GNA14: variants seen among roughly 807,000 people sequenced by gnomAD.
The protein encoded by GNA14 is G protein subunit alpha 14.
GNA14 carries 50 observed loss-of-function variants against 42.0 expected under a neutral mutation model. The observed-to-expected ratio is 1.19, with a 90% CI of 0.95 to 1.51. GNA14 has a LOEUF of 1.51. Among genes scored for constraint, GNA14 ranks in the 40% most tolerant of loss-of-function variants. The pLI, the probability that GNA14 is intolerant of heterozygous loss-of-function variation, is 0.00. For missense variants in GNA14, 473 were observed against 446.2 expected (o/e 1.06, Z -0.54); for synonymous variants, 173 against 163.1 (o/e 1.06, Z -0.46).
intron 2 of GNA14, among the ~76,000 whole-genome samples, chr9:77,526,076 ATTTTT>A (rs34362442): frequency 8.0e-6 from 1 of 125,140 alleles, no homozygotes; most frequent in Non-Finnish European, 1.7e-5. Context: ...TAATTTTTGT[ATTTTT>A]TTTTTTTTTT....
At position 77,524,081 on chromosome 9, in the gene GNA14, A is replaced by G. The variant is rs139246910; in HGVS notation, c.309+4988T>C. On this transcript the variant is annotated intron_variant, in intron 2 of 6. Transcript: ENST00000341700. ...ATGCCTTTGTAATATTTATTCAAGA[A>G]GTCATAAATTCAAATTGCTCCCATA... Among the ~76,000 whole-genome samples, 707 of 152,364 alleles carry G rather than the reference A, an allele frequency of 4.6e-3. 9 individuals are homozygous for G. The highest frequency in any genetic ancestry group is 4.0e-3 in the Non-Finnish European group (273 of 68,030).
intron 1 of GNA14, among the ~76,000 whole-genome samples, chr9:77,572,470 A>G (rs1402708179): frequency 6.6e-6 from 1 of 152,224 alleles, no homozygotes; most frequent in Non-Finnish European, 1.5e-5. Flanking sequence ...TATAGAATAC[A>G]TAAAAAGACA....
intron 6 of GNA14, among the ~76,000 whole-genome samples, chr9:77,424,773 T>C (rs370345902): frequency 1.3e-4 from 20 of 152,248 alleles, no homozygotes; most frequent in African/African-American, 4.3e-4. Context: ...CTAACACATA[T>C]GGACAGACAG....
intron 1 of GNA14, among the ~76,000 whole-genome samples, chr9:77,548,991 G>C (rs1340915214): frequency 6.6e-6 from 1 of 151,642 alleles, no homozygotes; most frequent in African/African-American, 2.4e-5. Context: ...CCAGGCTGGA[G>C]TGCAATGGCA....
chr9:77,435,453 C>T (rs1245381125), intron 2 of GNA14, among the ~76,000 whole-genome samples: 3 of 152,156 alleles, frequency 2.0e-5, no homozygotes, highest in African/African-American at 7.2e-5. Context: ...CATTCTCACA[C>T]AGTCTGCTTT....
intron 3 of GNA14, among the ~76,000 whole-genome samples, chr9:77,432,189 G>C (rs111744291): frequency 3.3e-5 from 5 of 151,752 alleles, no homozygotes; most frequent in African/African-American, 1.2e-4. Context: ...GCTAACAAAA[G>C]AGTTGTAGAT....
At chr9:77,501,779 C>T (rs1836977925) in intron 2 of GNA14, among the ~76,000 whole-genome samples, 2 of 141,558 alleles carry the variant, frequency 1.4e-5, no homozygotes, top group Non-Finnish European at 3.0e-5. Context: ...GGCATGATCT[C>T]GGCTCACTGC....
intron 2 of GNA14, among the ~76,000 whole-genome samples, chr9:77,460,562 T>G (rs1836086392): frequency 6.6e-6 from 1 of 150,946 alleles, no homozygotes; most frequent in African/African-American, 2.5e-5. Context: ...CGGGGACCAA[T>G]GACTGAGCCT....
chr9:77,466,045 C>T (rs566205395), intron 2 of GNA14, among the ~76,000 whole-genome samples: 1 of 152,286 alleles, frequency 6.6e-6, no homozygotes, highest in African/African-American at 2.4e-5. Context: ...TTCTCTTTCA[C>T]TTTGACTTTC....
intron 1 of GNA14, among the ~76,000 whole-genome samples, chr9:77,574,186 G>T (rs1823098494): frequency 6.6e-6 from 1 of 152,148 alleles, no homozygotes; most frequent in Non-Finnish European, 1.5e-5. Context: ...AGGAAACACA[G>T]TGAGGCAAGC....
At chr9:77,579,024 C>G (rs1197259404) in intron 1 of GNA14, among the ~76,000 whole-genome samples, 1 of 152,194 alleles carries the variant, frequency 6.6e-6, no homozygotes, top group Non-Finnish European at 1.5e-5. Context: ...TGCCTCTGCT[C>G]TATTCTCCAG....
At chr9:77,502,912 T>A (rs1435684188) in intron 2 of GNA14, among the ~76,000 whole-genome samples, 1 of 152,178 alleles carries the variant, frequency 6.6e-6, no homozygotes, top group Non-Finnish European at 1.5e-5. Flanking sequence ...TGCTTCGGTC[T>A]CAGGGAGCAG....
intron 2 of GNA14, among the ~76,000 whole-genome samples, chr9:77,455,622 C>T (rs1194213575): frequency 6.6e-6 from 1 of 152,132 alleles, no homozygotes; most frequent in African/African-American, 2.4e-5. Flanking sequence ...TCTACGATAC[C>T]TCATATAGGG....
chr9:77,622,465 G>A (rs1823941993), intron 1 of GNA14, among the ~76,000 whole-genome samples: 1 of 152,198 alleles, frequency 6.6e-6, no homozygotes, highest in African/African-American at 2.4e-5. Flanking sequence ...CACTAAATTA[G>A]ATGATTAAAG....
At chr9:77,589,709 A>G (rs1823360645) in intron 1 of GNA14, among the ~76,000 whole-genome samples, 2 of 152,336 alleles carry the variant, frequency 1.3e-5, no homozygotes, top group South Asian at 4.1e-4. Context: ...CATGATAGCC[A>G]GAGTTGCCTG....
intron 2 of GNA14, among the ~76,000 whole-genome samples, chr9:77,448,821 CAG>C (rs1014607952): frequency 5.9e-5 from 9 of 152,166 alleles, no homozygotes; most frequent in African/African-American, 2.2e-4. Flanking sequence ...AAGAAGTGTG[CAG>C]AGTGTGGAAA....
At chr9:77,608,523 C>A (rs1823674314) in intron 1 of GNA14, among the ~76,000 whole-genome samples, 1 of 152,162 alleles carries the variant, frequency 6.6e-6, no homozygotes, top group Non-Finnish European at 1.5e-5. Context: ...GCAGAGGCAT[C>A]CTGGCCAGCA....
At position 77,506,640 on chromosome 9, in the gene GNA14, A is replaced by G. The variant is rs1587806184; in HGVS notation, c.309+22429T>C. ...TGCAGTGAGCCGAGATCAGGCCACT[A>G]CACTCCACCCTGTCAACAGAGCGAG... is the stretch of plus-strand genomic sequence containing the variant. On this transcript the variant is annotated intron_variant, in intron 2 of 6. Transcript: ENST00000341700. 2.0e-5 allele frequency among the ~76,000 whole-genome samples: 3 copies of G among 152,218 alleles called. No homozygotes were observed. The South Asian group carries it at 6.2e-4, about 32-fold the overall frequency.
At chr9:77,542,621 T>C (rs1837674536) in intron 1 of GNA14, among the ~76,000 whole-genome samples, 1 of 152,090 alleles carries the variant, frequency 6.6e-6, no homozygotes, top group Non-Finnish European at 1.5e-5. Flanking sequence ...GTAGCAGTGA[T>C]GGGGCAGCCC....
Sources: gnomAD v4.1 joint callset for allele counts (sites outside exome capture counted in the v4.1 genomes callset) on GRCh38, gnomAD v4.1.1 for gene constraint, MANE v1.5 for transcripts, NCBI Gene and HGNC (gene_info 2026-07-23, HGNC 2026-07-21) for gene names.